Variants in LRRC49 observed in about 807,000 individuals in gnomAD.
LRRC49 encodes leucine rich repeat containing 49, also known as leucine-rich repeat-containing protein 49.
In LRRC49, 50 loss-of-function variants were observed where a neutral mutation model predicts 83.3. The ratio of observed to expected loss-of-function variants is 0.60; its 90% CI spans 0.48 to 0.76. The LOEUF (loss-of-function observed/expected upper bound fraction) is 0.76, where lower values mean the gene tolerates loss of function less well. LRRC49 is among the 30% of genes least tolerant of loss of function. The probability of loss-of-function intolerance (pLI) is 0.00; values close to 1 mark genes in which losing one functional copy is unlikely to be tolerated. For synonymous variants in LRRC49, 286 were observed against 283.3 expected (o/e 1.01, Z -0.10); for missense variants, 704 against 809.1 (o/e 0.87, Z 1.58).
intron 2 of LRRC49, among the ~76,000 whole-genome samples, chr15:70,878,814 T>C (rs996455482): frequency 6.6e-6 from 1 of 152,346 alleles, no homozygotes; most frequent in Non-Finnish European, 1.5e-5. Context: ...TACTTAGATG[T>C]GATGTATTAT....
upstream of LRRC49, among the ~76,000 whole-genome samples, chr15:70,887,855 A>C (rs1459958522): frequency 6.6e-6 from 1 of 152,192 alleles, no homozygotes; most frequent in Admixed American, 6.5e-5. Context: ...GAAATTAATA[A>C]GTGAGTTTAA....
intron 6 of LRRC49, among the ~76,000 whole-genome samples, chr15:70,914,227 G>A (rs1001016150): frequency 6.6e-6 from 1 of 151,980 alleles, no homozygotes; most frequent in African/African-American, 2.4e-5. Context: ...TTTCTAAAAA[G>A]CCAGGAAGGA....
At chr15:70,869,650 G>T (rs1323173441) in intron 1 of LRRC49, among the ~76,000 whole-genome samples, 2 of 152,178 alleles carry the variant, frequency 1.3e-5, no homozygotes, top group African/African-American at 4.8e-5. Flanking sequence ...CCCAGGAGCT[G>T]ACCAGCACAC....
chr15:71,025,092 A>G (rs146023234), intron 14 of LRRC49, among the ~76,000 whole-genome samples: 1 of 152,336 alleles, frequency 6.6e-6, no homozygotes, highest in African/African-American at 2.4e-5. Flanking sequence ...TGAAAGAGAC[A>G]GGGAGAATGG....
At chr15:71,029,583 T>C (rs2039283962) in intron 14 of LRRC49, among the ~76,000 whole-genome samples, 1 of 152,130 alleles carries the variant, frequency 6.6e-6, no homozygotes, top group Non-Finnish European at 1.5e-5. Flanking sequence ...CTTGTTAATT[T>C]TGTGTCTTGT....
chr15:70,936,043 G>GT (rs1033149868), intron 7 of LRRC49, among the ~76,000 whole-genome samples: 45 of 150,872 alleles, frequency 3.0e-4, no homozygotes, highest in Middle Eastern at 3.4e-3. Flanking sequence ...ATTTTTTGTT[G>GT]TTTTTTTTTA....
At chr15:71,048,448 T>C (rs2039920934) in intron 15 of LRRC49, among the ~76,000 whole-genome samples, 1 of 152,202 alleles carries the variant, frequency 6.6e-6, no homozygotes, top group Non-Finnish European at 1.5e-5. Context: ...TTTTGGTGTT[T>C]TGACTTGAGT....
intron 9 of LRRC49, among the ~76,000 whole-genome samples, chr15:70,973,880 G>C (rs979299053): frequency 6.6e-6 from 1 of 152,084 alleles, no homozygotes; most frequent in Non-Finnish European, 1.5e-5. Flanking sequence ...TGTAATCCCA[G>C]TACTTTGGGA....
At chr15:71,024,006 G>A (rs1338459921) in intron 14 of LRRC49, among the ~76,000 whole-genome samples, 1 of 152,204 alleles carries the variant, frequency 6.6e-6, no homozygotes, top group Non-Finnish European at 1.5e-5. Context: ...CCAGAGACAG[G>A]AATGGCAGCC....
intron 14 of LRRC49, among the ~76,000 whole-genome samples, chr15:71,015,706 T>C (rs2038804269): frequency 6.6e-6 from 1 of 152,242 alleles, no homozygotes; most frequent in Admixed American, 6.5e-5. Context: ...TAATGAAAGT[T>C]ACTGTAATAC....
chr15:71,044,674 T>C (rs1431382590), intron 15 of LRRC49, among the ~76,000 whole-genome samples: 1 of 151,778 alleles, frequency 6.6e-6, no homozygotes, highest in Non-Finnish European at 1.5e-5. Context: ...TGGTCACAAC[T>C]GCTGGAGAAG....
intron 6 of LRRC49, 145 bp from the exon 7 acceptor site, chr15:70,918,905 G>A (rs1164452342): frequency 1.7e-6 from 1 of 590,094 alleles, no homozygotes; most frequent in Non-Finnish European, 2.9e-6. Context: ...TACAGCATAG[G>A]AAATTGAAAA....
rs537887394 is a variant in LRRC49 at position 70,986,066 on chromosome 15, G to A, written c.1169+1809G>A. ...GTAGTATAGTTTGAAGTCAGGTAGC[G>A]TGATGCCTCCAGCTTTGTTCTTTTG... On this transcript the variant is annotated intron_variant, in intron 11 of 15. Transcript: ENST00000260382. 9.8e-3 allele frequency among the ~76,000 whole-genome samples: 1,489 copies of A among 151,584 alleles called. 27 individuals carry two copies. Among genetic ancestry groups the A allele is most frequent in the African/African-American group, 0.033 (1,348 of 41,272 alleles).
chr15:70,943,161 G>T (rs1429138347), intron 8 of LRRC49, among the ~76,000 whole-genome samples: 1 of 151,634 alleles, frequency 6.6e-6, no homozygotes, highest in Non-Finnish European at 1.5e-5. Context: ...TCCTGTTGAG[G>T]TTTATTTTTA....
At chr15:70,890,775 A>G (rs1473573715), upstream of LRRC49, among the ~76,000 whole-genome samples, 1 of 152,210 alleles carries the variant, frequency 6.6e-6, no homozygotes, top group East Asian at 1.9e-4. Context: ...ACATGCAACA[A>G]CTGAGCAAAG....
At chr15:70,866,413 G>A (rs978515720) in intron 1 of LRRC49, among the ~76,000 whole-genome samples, 10 of 152,052 alleles carry the variant, frequency 6.6e-5, no homozygotes, top group African/African-American at 1.9e-4. Context: ...CCCAATTGCC[G>A]GGATTACAGG....
chr15:71,037,401 T>C lies in LRRC49; in HGVS notation c.1857+69T>C, dbSNP rs189510743. 2.1e-4 allele frequency: 271 copies of C among 1,309,152 alleles called. 1 individual carries two copies. The African/African-American group carries it at 3.5e-3, about 17-fold the overall frequency. The allele number at this position is 1,309,152 out of a possible 1,614,324, so 81.1% of individuals were successfully genotyped here. On this transcript the variant is annotated intron_variant, in intron 15 of 15. Coordinates refer to ENST00000260382, the MANE Select transcript of LRRC49 (RefSeq NM_017691.5). Reference sequence around the variant, plus strand: ...CCCACATGGCTTGGAATTTGGGGGTTGTACATTTTACCCTTAGTTAAGATA... The same window carrying C: ...CCCACATGGCTTGGAATTTGGGGGTCGTACATTTTACCCTTAGTTAAGATA...
chr15:71,048,009 C>T (rs2039904261), intron 15 of LRRC49, among the ~76,000 whole-genome samples: 1 of 151,542 alleles, frequency 6.6e-6, no homozygotes, highest in South Asian at 2.1e-4. Context: ...CTCCTGACCG[C>T]AAGTGATCCA....
intron 11 of LRRC49, among the ~76,000 whole-genome samples, chr15:70,992,349 G>A (rs896607396): frequency 6.6e-6 from 1 of 152,214 alleles, no homozygotes; most frequent in South Asian, 2.1e-4. Flanking sequence ...CGTTGCTGGC[G>A]AGGAGCTGCG....
Sources: gnomAD v4.1 joint callset for allele counts (sites outside exome capture counted in the v4.1 genomes callset) on GRCh38, gnomAD v4.1.1 for gene constraint, MANE v1.5 for transcripts, NCBI Gene and HGNC (gene_info 2026-07-23, HGNC 2026-07-21) for gene names.